Variants in BCAS3 observed in about 807,000 individuals in gnomAD.
BCAS3 encodes BCAS3 microtubule associated cell migration factor, also known as BCAS4/BCAS3 fusion.
A neutral mutation model predicts 116.1 loss-of-function variants in BCAS3; 53 were observed. That is an observed-to-expected ratio of 0.46 (90% CI 0.37 to 0.57). The LOEUF is 0.57. Ranked by LOEUF, BCAS3 falls within the 20% of genes least tolerant of loss-of-function variation. The probability of loss-of-function intolerance (pLI) is 0.00; values close to 1 mark genes in which losing one functional copy is unlikely to be tolerated. For missense variants in BCAS3, 917 were observed against 1,165.4 expected (o/e 0.79, Z 3.10); for synonymous variants, 391 against 408.2 (o/e 0.96, Z 0.51).
intron 6 of BCAS3, among the ~76,000 whole-genome samples, chr17:60,765,200 A>G (rs985340266): frequency 6.6e-6 from 1 of 152,138 alleles, no homozygotes; most frequent in Admixed American, 6.5e-5. Flanking sequence ...ATTTAAGGTT[A>G]ATATTGTTAT....
chr17:60,897,189 C>A (rs1033160996), intron 10 of BCAS3, among the ~76,000 whole-genome samples: 1 of 152,154 alleles, frequency 6.6e-6, no homozygotes, highest in Non-Finnish European at 1.5e-5. Flanking sequence ...ATACAGTATT[C>A]TTGACTGACA....
At chr17:61,197,782 C>A (rs1406841013) in intron 22 of BCAS3, among the ~76,000 whole-genome samples, 1 of 152,190 alleles carries the variant, frequency 6.6e-6, no homozygotes, top group Non-Finnish European at 1.5e-5. Context: ...TCTGCTGATC[C>A]CTCAAACACT....
At chr17:60,784,459 C>T (rs1002341770) in intron 6 of BCAS3, among the ~76,000 whole-genome samples, 5 of 134,430 alleles carry the variant, frequency 3.7e-5, no homozygotes, top group East Asian at 2.0e-4. Context: ...CCACCATGCC[C>T]GGATAATTTT....
chr17:60,972,614 G>C (rs1282524937), intron 14 of BCAS3, among the ~76,000 whole-genome samples: 2 of 151,808 alleles, frequency 1.3e-5, no homozygotes, highest in Admixed American at 6.6e-5. Context: ...ACCATGCCCA[G>C]CTAATTTTTA....
intron 6 of BCAS3, among the ~76,000 whole-genome samples, chr17:60,767,967 G>C (rs971298631): frequency 3.5e-4 from 53 of 152,038 alleles, no homozygotes; most frequent in Non-Finnish European, 5.9e-5. Context: ...TACCTGGCTA[G>C]TTTTAAATAT....
intron 7 of BCAS3, among the ~76,000 whole-genome samples, chr17:60,846,339 A>T (rs1056412663): frequency 6.6e-6 from 1 of 152,112 alleles, no homozygotes; most frequent in African/African-American, 2.4e-5. Context: ...ATCCCCACTG[A>T]CTTCCTGTTT....
chr17:61,103,371 AAT>A (rs2074444767), intron 22 of BCAS3, among the ~76,000 whole-genome samples: 1 of 152,132 alleles, frequency 6.6e-6, no homozygotes, highest in Non-Finnish European at 1.5e-5. Flanking sequence ...TTTAGTAAGG[AAT>A]ATGTTGACAT....
At chr17:60,910,823 T>A in intron 12 of BCAS3, 121 bp downstream of exon 12, 1 of 916,716 alleles carries the variant, frequency 1.1e-6, no homozygotes, top group Non-Finnish European at 1.6e-6. Context: ...GAATTCAGAT[T>A]ATTTCAAATG....
intron 7 of BCAS3, among the ~76,000 whole-genome samples, chr17:60,833,523 TA>T (rs1161027801): frequency 6.6e-6 from 1 of 152,214 alleles, no homozygotes; most frequent in Non-Finnish European, 1.5e-5. Flanking sequence ...ATTGCTTCAT[TA>T]TAACCTTAGT....
chr17:60,700,185 A>AAAAAAAAAAAAAAAAAAAG (rs1319555739), intron 4 of BCAS3, among the ~76,000 whole-genome samples: 49 of 147,086 alleles, frequency 3.3e-4, no homozygotes, highest in African/African-American at 1.2e-3. Context: ...AAAAAAAAAA[A>AAAAAAAAAAAAAAAAAAAG]GAAGCAGTTC....
intron 22 of BCAS3, among the ~76,000 whole-genome samples, chr17:61,262,201 T>C (rs1280419510): frequency 1.3e-5 from 2 of 151,868 alleles, no homozygotes; most frequent in African/African-American, 2.4e-5. Flanking sequence ...TCTTTCATGA[T>C]GGTAATAACC....
intron 13 of BCAS3, among the ~76,000 whole-genome samples, chr17:60,934,124 A>G (rs1215177505): frequency 5.9e-5 from 9 of 151,470 alleles, no homozygotes; most frequent in Non-Finnish European, 7.4e-5. Context: ...AAAAAAAAAC[A>G]TGGTTTTAAG....
chr17:60,993,946 A>G lies in BCAS3; in HGVS notation c.1486+3711A>G, dbSNP rs1312596326. Among the ~76,000 whole-genome samples the G allele has an allele frequency of 6.6e-6, 1 of 152,034 alleles. No homozygotes were observed. The highest frequency in any genetic ancestry group is 1.5e-5 in the Non-Finnish European group (1 of 67,992). On this transcript the variant is annotated intron_variant, in intron 15 of 23. Transcript: ENST00000407086. The surrounding 1 kb of genome is among the most constrained non-coding windows in gnomAD (Gnocchi z 4.2). ...TATATTCTTTATAAATATCTCTTCC[A>G]TTTCCTATCTTGTTGCCTGAACATC...
chr17:60,781,081 G>A (rs2045786310), intron 6 of BCAS3, among the ~76,000 whole-genome samples: 1 of 151,748 alleles, frequency 6.6e-6, no homozygotes, highest in Non-Finnish European at 1.5e-5. Flanking sequence ...CGATTCTTGT[G>A]CCCCAGCCTC....
At position 61,130,757 on chromosome 17, in the gene BCAS3, T is replaced by G. The variant is rs1420288928; in HGVS notation, c.2425+46193T>G. On this transcript the variant is annotated intron_variant, in intron 22 of 23. Coordinates refer to ENST00000407086, the MANE Select transcript of BCAS3 (RefSeq NM_017679.5). The surrounding 1 kb of genome is among the most constrained non-coding windows in gnomAD (Gnocchi z 5.0). The stretch of plus-strand genomic sequence containing the variant: ...TCTGTTCTAGCTCCTGAAGTCAGCG[T>G]CAAGAAATATTGGTCTTGGCCAGGA... The G allele has an allele frequency of 2.0e-5, 3 of 152,270 alleles. No homozygotes were observed. Among genetic ancestry groups the G allele is most frequent in the African/African-American group, 7.2e-5 (3 of 41,440 alleles). The allele number at this position is 152,270 out of a possible 1,614,324, so 9.4% of individuals were successfully genotyped here.
At chr17:61,030,656 T>G (rs1339999039) in intron 16 of BCAS3, among the ~76,000 whole-genome samples, 1 of 152,142 alleles carries the variant, frequency 6.6e-6, no homozygotes, top group Non-Finnish European at 1.5e-5. Context: ...ATTTAGCATC[T>G]TATTTGTTAA....
chr17:61,022,180 A>G (rs2065918531), intron 16 of BCAS3, among the ~76,000 whole-genome samples: 1 of 152,152 alleles, frequency 6.6e-6, no homozygotes, highest in Non-Finnish European at 1.5e-5. Flanking sequence ...ACCACACCAT[A>G]CTGTAAATCT....
At chr17:60,992,577 T>C (rs1050805026) in intron 15 of BCAS3, among the ~76,000 whole-genome samples, 7 of 152,264 alleles carry the variant, frequency 4.6e-5, no homozygotes, top group African/African-American at 1.7e-4. Context: ...TGTTGGGTAC[T>C]ACGCTCACTA....
chr17:61,150,276 G>A (rs2077473831), intron 22 of BCAS3, among the ~76,000 whole-genome samples: 1 of 152,168 alleles, frequency 6.6e-6, no homozygotes. Flanking sequence ...CCACTCTTTA[G>A]GGCCATGGCT....
Sources: gnomAD v4.1 joint callset for allele counts (sites outside exome capture counted in the v4.1 genomes callset) on GRCh38, gnomAD v4.1.1 for gene constraint, Gnocchi (gnomAD v3.1) non-coding constraint, MANE v1.5 for transcripts, NCBI Gene and HGNC (gene_info 2026-07-23, HGNC 2026-07-21) for gene names.